ADD2: variants seen among roughly 807,000 people sequenced by gnomAD.
ADD2 encodes the protein adducin 2, also known as beta-adducin.
A neutral mutation model predicts 83.0 loss-of-function variants in ADD2; 23 were observed. That is an observed-to-expected ratio of 0.28 (90% confidence interval 0.20 to 0.39). The LOEUF (loss-of-function observed/expected upper bound fraction) is 0.39. Among genes scored for constraint, ADD2 ranks in the 10% least tolerant of loss-of-function variants. ADD2 has a pLI of 1.00. For missense variants in ADD2, 758 were observed against 944.9 expected (o/e 0.80, Z 2.59); for synonymous variants, 375 against 375.4 (o/e 1.00, Z 0.01).
intron 2 of ADD2, among the ~76,000 whole-genome samples, chr2:70,710,646 G>A (rs933188129): frequency 6.6e-6 from 1 of 152,208 alleles, no homozygotes; most frequent in Admixed American, 6.5e-5. Flanking sequence ...ATGGCTTAGC[G>A]ATTAAAAGCA....
intron 1 of ADD2, chr2:70,767,474 C>G (rs868944614): frequency 3.4e-6 from 1 of 296,028 alleles, no homozygotes; most frequent in African/African-American, 2.3e-5. Context: ...GCACCGCTAC[C>G]CCGGAGGGCG....
intron 1 of ADD2, among the ~76,000 whole-genome samples, chr2:70,752,828 C>G (rs750939761): frequency 3.8e-4 from 58 of 152,222 alleles, no homozygotes; most frequent in Non-Finnish European, 6.9e-4. Context: ...CCAGCAACAT[C>G]AGCATCGCTG....
rs1675513319 is a variant in ADD2 at position 70,768,194 on chromosome 2, A to G, written c.-462T>C. On this transcript the variant is annotated 5_prime_UTR_variant, in exon 1 of 16. Transcript: ENST00000264436. ...CCATTTCCCGCACGAGGCTGGGAGG[A>G]AATGAGAGCTCTCCTGGCCCTGCGC... 6 of 577,630 alleles carry G rather than the reference A, an allele frequency of 1.0e-5. No homozygotes were observed. Among genetic ancestry groups the G allele is most frequent in the Non-Finnish European group, 1.8e-5 (6 of 327,930 alleles). The allele number at this position is 577,630 out of a possible 1,614,324, so 35.8% of individuals were successfully genotyped here.
chr2:70,764,730 A>G (rs1298250407), intron 1 of ADD2, among the ~76,000 whole-genome samples: 1 of 151,722 alleles, frequency 6.6e-6, no homozygotes. Flanking sequence ...GCTACAGGGA[A>G]CTATGATCAT....
intron 1 of ADD2, among the ~76,000 whole-genome samples, chr2:70,763,430 T>A (rs1675220588): frequency 6.6e-6 from 1 of 152,062 alleles, no homozygotes; most frequent in Non-Finnish European, 1.5e-5. Context: ...AGAATCTGTG[T>A]GTGTCCCTGT....
chr2:70,673,151 T>G lies in ADD2; in HGVS notation c.1742-145A>C, dbSNP rs1669978172. The stretch of plus-strand genomic sequence containing the variant: ...GAGACTTCTAGCTGAAGTTAGCTCC[T>G]CCCCCTGACCTTCTTAGATTTCTGC... On this transcript the variant is annotated intron_variant, in intron 14 of 15. Coordinates refer to ENST00000264436, the MANE Select transcript of ADD2 (RefSeq NM_001617.4). The G allele has an allele frequency of 1.9e-6, 3 of 1,549,222 alleles. No individual in the cohort carries two copies. In the Admixed American group the frequency reaches 5.1e-5, roughly 26 times the overall value.
At chr2:70,684,555 A>G (rs1318879086) in intron 9 of ADD2, among the ~76,000 whole-genome samples, 1 of 152,144 alleles carries the variant, frequency 6.6e-6, no homozygotes, top group Non-Finnish European at 1.5e-5. Context: ...GACCTCTCCT[A>G]TATTTTTTTA....
In ADD2 at chr2:70,677,889, C is replaced by G. The variant is rs782818996; in HGVS notation, c.1384-12G>C. 1 of 1,614,128 alleles carries G rather than the reference C, an allele frequency of 6.2e-7. No individual in the cohort carries two copies. The highest frequency in any genetic ancestry group is 1.7e-5 in the Admixed American group (1 of 60,026). On this transcript the variant is annotated splice_polypyrimidine_tract_variant and intron_variant, in intron 11 of 15. Transcript: ENST00000264436. Reference sequence around the variant, plus strand: ...TCAGCCTTCATCCACTGCACAAACACAAGGTCATGGGGCTGAGGTGAGGGA... The same window carrying G: ...TCAGCCTTCATCCACTGCACAAACAGAAGGTCATGGGGCTGAGGTGAGGGA...
At chr2:70,746,143 C>T (rs1398074001) in intron 1 of ADD2, among the ~76,000 whole-genome samples, 1 of 152,146 alleles carries the variant, frequency 6.6e-6, no homozygotes, top group Non-Finnish European at 1.5e-5. Context: ...AGGAATCGAA[C>T]CAAGCAAGAA....
At chr2:70,764,291 T>C (rs2104569813) in intron 1 of ADD2, among the ~76,000 whole-genome samples, 1 of 152,092 alleles carries the variant, frequency 6.6e-6, no homozygotes, top group South Asian at 2.1e-4. Context: ...CAGCAACTTT[T>C]CTGTTGTGTT....
chr2:70,690,093 A>AC, intron 8 of ADD2, among the ~76,000 whole-genome samples: 1 of 140,942 alleles, frequency 7.1e-6, no homozygotes, highest in South Asian at 2.3e-4. Flanking sequence ...ACTCAGGAAG[A>AC]AAAAAAAAAT....
chr2:70,718,538 T>A (rs1553376811), intron 1 of ADD2, among the ~76,000 whole-genome samples: 1 of 152,226 alleles, frequency 6.6e-6, no homozygotes, highest in Admixed American at 6.5e-5. Flanking sequence ...TAATGCTTGT[T>A]GGGAAGGGAG....
At chr2:70,679,478 C>T (rs1670349537) in intron 10 of ADD2, among the ~76,000 whole-genome samples, 1 of 152,188 alleles carries the variant, frequency 6.6e-6, no homozygotes, top group Admixed American at 6.5e-5. Context: ...TCTAGGAACC[C>T]TGAAATCAGA....
rs1574225642 is a variant in ADD2 at position 70,676,001 on chromosome 2, T to A, written c.1593+795A>T. On this transcript the variant is annotated intron_variant, in intron 13 of 15. Transcript: ENST00000264436. The surrounding 1 kb of genome is among the most constrained non-coding windows in gnomAD (Gnocchi z 4.8). Reference sequence around the variant, plus strand: ...GGGAGGTAAGTGTGATGATACAACTTTCACACTTCTCCTGCCAATGGGCAC... The same window carrying A: ...GGGAGGTAAGTGTGATGATACAACTATCACACTTCTCCTGCCAATGGGCAC... 1 of 985,408 alleles carries A rather than the reference T, an allele frequency of 1.0e-6. No homozygotes were observed. Among genetic ancestry groups the A allele is most frequent in the Non-Finnish European group, 1.2e-6 (1 of 829,932 alleles). 61.0% of individuals were successfully genotyped at this position (985,408 alleles called of 1,614,324 possible).
chr2:70,765,413 T>C (rs1235163677), intron 1 of ADD2, among the ~76,000 whole-genome samples: 2 of 143,830 alleles, frequency 1.4e-5, no homozygotes, highest in African/African-American at 5.5e-5. Flanking sequence ...TCTGGCCATA[T>C]AATGTTTTGT....
In ADD2 at chr2:70,765,682, G is replaced by A. The variant is rs149305121; in HGVS notation, c.-154+2204C>T. ...AATAAAACATATAAGCCATGGGTTC[G>A]TCAATTTCTTTTTTGCTTATGCTGC... On this transcript the variant is annotated intron_variant, in intron 1 of 15. Transcript: ENST00000264436. 3.8e-3 allele frequency among the ~76,000 whole-genome samples: 579 copies of A among 152,314 alleles called. 4 individuals carry two copies. The highest frequency in any genetic ancestry group is 3.6e-3 in the Non-Finnish European group (247 of 68,032).
intron 3 of ADD2, among the ~76,000 whole-genome samples, chr2:70,705,135 G>A (rs1406834724): frequency 1.3e-5 from 2 of 152,228 alleles, no homozygotes; most frequent in East Asian, 1.9e-4. Context: ...AATCTGGGCT[G>A]GTGCTAACTC....
intron 1 of ADD2, among the ~76,000 whole-genome samples, chr2:70,727,333 G>A (rs910026475): frequency 6.6e-6 from 1 of 152,030 alleles, no homozygotes; most frequent in Non-Finnish European, 1.5e-5. Context: ...CTGTGGCTGG[G>A]GTCCAGCAGA....
Position 70,693,068 on chromosome 2 carries a change from G to A in ADD2, c.556-516C>T, listed in dbSNP as rs145498459. The stretch of plus-strand genomic sequence containing the variant: ...TCTCAACGAGGCTCAAAGAGGCTGC[G>A]GCTGCTTTACCAGTGACAGCTCTAG... On this transcript the variant is annotated intron_variant, in intron 6 of 15. Transcript: ENST00000264436. 9.8e-3 allele frequency among the ~76,000 whole-genome samples: 1,490 copies of A among 152,210 alleles called. 24 individuals are homozygous for A. Among genetic ancestry groups the A allele is most frequent in the African/African-American group, 0.032 (1,324 of 41,492 alleles).
Sources: gnomAD v4.1 joint callset for allele counts (sites outside exome capture counted in the v4.1 genomes callset) on GRCh38, gnomAD v4.1.1 for gene constraint, Gnocchi (gnomAD v3.1) non-coding constraint, MANE v1.5 for transcripts, NCBI Gene and HGNC (gene_info 2026-07-23, HGNC 2026-07-21) for gene names.